Variants in THTPA observed in about 807,000 individuals in gnomAD.
THTPA encodes thiamine triphosphatase.
Under a neutral mutation model 16.5 loss-of-function variants are expected in THTPA, and 16 were observed. The observed-to-expected ratio is 0.97, with a 90% CI of 0.66 to 1.47. THTPA has a LOEUF of 1.47. Among genes scored for constraint, THTPA ranks in the 40% most tolerant of loss-of-function variants. The pLI is 0.00. For missense variants in THTPA, 281 were observed against 280.9 expected, an observed-to-expected ratio of 1.00 and a Z score of 0.00; for synonymous variants, 110 against 115.5, an observed-to-expected ratio of 0.95 and a Z score of 0.30.
chr14:23,534,148 G>A, the THTPA span: 1 of 1,473,382 alleles, frequency 6.8e-7, no homozygotes, highest in South Asian at 1.4e-5. This position sits in a 1 kb window ranked among gnomAD's most constrained non-coding sequence, Gnocchi z 4.5. Context: ...GGAGGTGGGT[G>A]AGCTTTGGTT....
Position 23,559,158 on chromosome 14 carries a change from C to A in THTPA, c.*318C>A, listed in dbSNP as rs528286397. ...AGCACAGGAAAATCCCTTGCCACCC[C>A]CCCTCCCTTGGTCGATGCCATTGAT... On this transcript the variant is annotated 3_prime_UTR_variant, in exon 2 of 2. Transcript: ENST00000288014. The A allele has an allele frequency of 2.0e-5, 6 of 293,764 alleles. No individual in the cohort carries two copies. Among genetic ancestry groups the A allele is most frequent in the Non-Finnish European group, 2.6e-5 (4 of 155,498 alleles). The allele number at this position is 293,764 out of a possible 1,614,324, so 18.2% of individuals were successfully genotyped here. A position where few individuals can be genotyped will look rare whatever the true frequency, so the allele number is the denominator to read the frequency against.
the THTPA span, chr14:23,524,611 A>G: frequency 1.3e-6 from 2 of 1,536,356 alleles, no homozygotes; most frequent in East Asian, 4.9e-5. This position sits in a 1 kb window ranked among gnomAD's most constrained non-coding sequence, Gnocchi z 5.6. Context: ...GGCTGGAGAA[A>G]GAAATGGCAC....
the THTPA span, among the ~76,000 whole-genome samples, chr14:23,540,738 T>G: frequency 6.6e-6 from 1 of 152,188 alleles, no homozygotes; most frequent in African/African-American, 2.4e-5. Flanking sequence ...TAATGATATT[T>G]TCCTTACTCA....
chr14:23,520,691 AG>A, the THTPA span, among the ~76,000 whole-genome samples: 127 of 149,930 alleles, frequency 8.5e-4, 1 homozygote, highest in African/African-American at 2.9e-3. This position sits in a 1 kb window ranked among gnomAD's most constrained non-coding sequence, Gnocchi z 8.7. Context: ...ATAGCAGGGG[AG>A]GGCTGCACCG....
At position 23,558,872 on chromosome 14, in the gene THTPA, CTG is replaced by C; in HGVS notation, c.*33_*34del. The C allele has an allele frequency of 6.2e-7, 1 of 1,612,686 alleles. No individual in the cohort carries two copies. The highest frequency in any genetic ancestry group is 8.5e-7 in the Non-Finnish European group (1 of 1,179,400). On this transcript the variant is annotated 3_prime_UTR_variant, in exon 2 of 2. Coordinates refer to ENST00000288014, the MANE Select transcript of THTPA (RefSeq NM_024328.6). ...CACTTCCTAGAAGGGGAAGGGAACT[CTG>C]GGTCTAACGGAGTCCACTCCTGGGC... is the stretch of plus-strand genomic sequence containing the variant.
the THTPA span, chr14:23,524,989 G>C: frequency 2.0e-6 from 3 of 1,536,048 alleles, no homozygotes; most frequent in East Asian, 4.9e-5. The surrounding 1 kb of genome is among the most constrained non-coding windows in gnomAD (Gnocchi z 5.6). Flanking sequence ...AGGCATTTTT[G>C]CGTGCTTTCT....
intron 1 of THTPA, among the ~76,000 whole-genome samples, chr14:23,557,772 C>T (rs950267889): frequency 5.9e-5 from 9 of 151,950 alleles, no homozygotes; most frequent in African/African-American, 2.2e-4. Context: ...TCTTCTTCTT[C>T]AGTCACCACT....
At chr14:23,521,694 G>A in the THTPA span, 2,451 of 467,070 alleles carry the variant, frequency 5.2e-3, 10 homozygotes, top group Non-Finnish European at 7.0e-3. Context: ...TGCCAAGATG[G>A]GTGTATGTGT....
At chr14:23,527,071 C>T in the THTPA span, 1 of 1,391,618 alleles carries the variant, frequency 7.2e-7, no homozygotes, top group Non-Finnish European at 9.3e-7. Context: ...GTGCCGAGAT[C>T]CCTTGCCACA....
At chr14:23,519,989 T>C in the THTPA span, among the ~76,000 whole-genome samples, 1 of 152,182 alleles carries the variant, frequency 6.6e-6, no homozygotes, top group Non-Finnish European at 1.5e-5. Context: ...TTTGCAGACT[T>C]TTCTTTGCTA....
the THTPA span, chr14:23,525,456 T>C: frequency 1.3e-6 from 2 of 1,536,080 alleles, no homozygotes; most frequent in Non-Finnish European, 1.7e-6. This position sits in a 1 kb window ranked among gnomAD's most constrained non-coding sequence, Gnocchi z 5.9. Flanking sequence ...TCGTGTGTCT[T>C]GAGGATAAGC....
At chr14:23,527,934 T>G in the THTPA span, 9 of 803,616 alleles carry the variant, frequency 1.1e-5, no homozygotes, top group African/African-American at 1.6e-4. Context: ...TTAGATGGAG[T>G]CTGGCTCTGT....
At position 23,557,292 on chromosome 14, in the gene THTPA, A is replaced by G; in HGVS notation, c.535A>G (p.Ser179Gly). ...PTALEKIHRL[S>G]SMLGVPAQET... ...TGCCCTAGAGAAGATCCACAGGCTC[A>G]GCAGCATGCTTGGTGAGGGAGACAG... The change falls in exon 1 of 2, where the codon AGC becomes GGC. Residue 179 changes from serine to glycine, a missense_variant. By Grantham distance (56) the Ser-to-Gly change is moderately conservative (BLOSUM62 0). Coordinates refer to ENST00000288014, the MANE Select transcript of THTPA (RefSeq NM_024328.6). 1 of 1,596,864 alleles carries G rather than the reference A, an allele frequency of 6.3e-7. No individual in the cohort carries two copies. The highest frequency in any genetic ancestry group is 8.5e-7 in the Non-Finnish European group (1 of 1,174,166).
the THTPA span, among the ~76,000 whole-genome samples, chr14:23,538,683 C>T: frequency 0.016 from 2,403 of 152,174 alleles, 66 homozygotes; most frequent in African/African-American, 0.055. Flanking sequence ...ACAAGGCGAC[C>T]CCTGAAAGGC....
chr14:23,524,168 G>A, the THTPA span: 1 of 1,536,046 alleles, frequency 6.5e-7, no homozygotes, highest in Non-Finnish European at 8.7e-7. The surrounding 1 kb of genome is among the most constrained non-coding windows in gnomAD (Gnocchi z 5.6). Flanking sequence ...TGCTGGACTA[G>A]GCACCCCCCC....
the THTPA span, chr14:23,525,987 C>T: frequency 6.6e-7 from 1 of 1,522,406 alleles, no homozygotes; most frequent in East Asian, 2.4e-5. This position sits in a 1 kb window ranked among gnomAD's most constrained non-coding sequence, Gnocchi z 5.9. Flanking sequence ...AAAGGCAATC[C>T]AGATATGAAG....
the THTPA span, chr14:23,535,384 G>C: frequency 2.8e-6 from 4 of 1,431,680 alleles, no homozygotes; most frequent in South Asian, 6.0e-5. This position sits in a 1 kb window ranked among gnomAD's most constrained non-coding sequence, Gnocchi z 4.5. Context: ...CCTGTAGGGA[G>C]ACAAGGAGAG....
the THTPA span, chr14:23,513,157 C>T: frequency 2.2e-3 from 334 of 152,312 alleles, 2 homozygotes; most frequent in Non-Finnish European, 3.5e-3. Flanking sequence ...TGGCACTGAT[C>T]TCGGGGAGAG....
the THTPA span, among the ~76,000 whole-genome samples, chr14:23,517,724 C>T: frequency 3.9e-5 from 6 of 152,016 alleles, no homozygotes; most frequent in African/African-American, 4.8e-5. Context: ...TTTGTGACTG[C>T]GAGGAGGGGA....
Sources: gnomAD v4.1 joint callset for allele counts (sites outside exome capture counted in the v4.1 genomes callset) on GRCh38, gnomAD v4.1.1 for gene constraint, Gnocchi (gnomAD v3.1) non-coding constraint, MANE v1.5 for transcripts, NCBI Gene and HGNC (gene_info 2026-07-23, HGNC 2026-07-21) for gene names.